The following RBFOX1 variants were observed in gnomAD, a reference collection of about 807,000 sequenced individuals.
The protein encoded by RBFOX1 is RNA binding protein fox-1 homolog 1.
In RBFOX1, 8 loss-of-function variants were observed where a neutral mutation model predicts 57.7. That is an observed-to-expected ratio of 0.14 (90% CI 0.08 to 0.25). The LOEUF is 0.25. Ranked by LOEUF, RBFOX1 falls within the 10% of genes least tolerant of loss-of-function variation. The pLI is 1.00. For missense variants in RBFOX1, 611 were observed against 548.5 expected (o/e 1.11, Z -1.14); for synonymous variants, 326 against 222.4 (o/e 1.47, Z -4.15).
intron 2 of RBFOX1, among the ~76,000 whole-genome samples, chr16:6,540,572 A>G (rs1222868732): frequency 1.5e-5 from 2 of 134,016 alleles, no homozygotes; most frequent in African/African-American, 5.7e-5. Flanking sequence ...AGATTGCACC[A>G]CTGTACTCCA....
Position 7,405,299 on chromosome 16 carries a change from C to G in RBFOX1, c.28-112848C>G, listed in dbSNP as rs12599082. Among the ~76,000 whole-genome samples, 102 of 152,264 alleles carry G rather than the reference C, an allele frequency of 6.7e-4. No individual in the cohort carries two copies. The East Asian group carries it at 0.019, about 28-fold the overall frequency. On this transcript the variant is annotated intron_variant, in intron 4 of 15. Coordinates refer to ENST00000550418, the MANE Select transcript of RBFOX1 (RefSeq NM_018723.4). ...CAGAGGCAGGGCCTCTCCTGGTAGCCCCCCCGCTGCAAACCTTTGCCGCTG... is the reference window on the plus strand; with the variant it reads ...CAGAGGCAGGGCCTCTCCTGGTAGCGCCCCCGCTGCAAACCTTTGCCGCTG...
intron 4 of RBFOX1, among the ~76,000 whole-genome samples, chr16:7,270,553 C>T (rs1435120882): frequency 2.0e-5 from 3 of 152,184 alleles, no homozygotes; most frequent in Non-Finnish European, 4.4e-5. Flanking sequence ...AGTGGTGGCT[C>T]ACTGCTGGCC....
At chr16:6,023,160 C>T (rs1283310268) in intron 1 of RBFOX1, among the ~76,000 whole-genome samples, 1 of 152,082 alleles carries the variant, frequency 6.6e-6, no homozygotes, top group Non-Finnish European at 1.5e-5. Flanking sequence ...CACCCTGAAG[C>T]TACAGAGTTT....
chr16:5,588,803 G>C (rs181839350), intron 2 of RBFOX1, among the ~76,000 whole-genome samples: 1 of 152,206 alleles, frequency 6.6e-6, no homozygotes, highest in African/African-American at 2.4e-5. Flanking sequence ...TGCAACAAAA[G>C]TGATCTGAGT....
intron 4 of RBFOX1, among the ~76,000 whole-genome samples, chr16:7,210,042 C>G (rs2099746899): frequency 6.6e-6 from 1 of 152,174 alleles, no homozygotes; most frequent in Non-Finnish European, 1.5e-5. Flanking sequence ...GATAGCGACG[C>G]TCAGTGCAGA....
chr16:5,859,774 C>T (rs1329710838), intron 3 of RBFOX1, among the ~76,000 whole-genome samples: 7 of 152,202 alleles, frequency 4.6e-5, no homozygotes, highest in Non-Finnish European at 1.0e-4. Context: ...GAGGCTAAGT[C>T]ACTTGTCATC....
chr16:6,902,717 A>C (rs1195630856), intron 3 of RBFOX1, among the ~76,000 whole-genome samples: 1 of 152,174 alleles, frequency 6.6e-6, no homozygotes, highest in South Asian at 2.1e-4. Flanking sequence ...TCAAGACTCC[A>C]TGTAGAGAAC....
intron 3 of RBFOX1, among the ~76,000 whole-genome samples, chr16:6,812,888 C>A (rs1229437009): frequency 6.6e-6 from 1 of 152,284 alleles, no homozygotes; most frequent in East Asian, 1.9e-4. Flanking sequence ...CTTTGTCCAT[C>A]ATGTCAGAGT....
chr16:5,342,401 A>G (rs1257198116), intron 1 of RBFOX1, among the ~76,000 whole-genome samples: 5 of 152,112 alleles, frequency 3.3e-5, no homozygotes, highest in Non-Finnish European at 5.9e-5. Flanking sequence ...CTTGGTGAAT[A>G]ATGCCTCAGT....
At chr16:5,699,014 G>A (rs1271421489) in intron 3 of RBFOX1, among the ~76,000 whole-genome samples, 3 of 128,742 alleles carry the variant, frequency 2.3e-5, no homozygotes, top group Non-Finnish European at 4.7e-5. Flanking sequence ...TTGAGACAGA[G>A]TCTTGCTCTG....
intron 4 of RBFOX1, among the ~76,000 whole-genome samples, chr16:7,099,788 T>C (rs1659499793): frequency 6.6e-6 from 1 of 152,126 alleles, no homozygotes; most frequent in Admixed American, 6.6e-5. Context: ...AAGTGGTTCG[T>C]AGAGTTACCG....
chr16:6,623,966 G>T (rs1157835611), intron 2 of RBFOX1, among the ~76,000 whole-genome samples: 2 of 152,180 alleles, frequency 1.3e-5, no homozygotes, highest in African/African-American at 4.8e-5. Context: ...CCAGTAGTGG[G>T]ATTGCTGGGT....
At chr16:5,470,392 G>T (rs569173892) in intron 2 of RBFOX1, among the ~76,000 whole-genome samples, 2 of 152,176 alleles carry the variant, frequency 1.3e-5, no homozygotes, top group Non-Finnish European at 2.9e-5. Context: ...ACCTCTAAAC[G>T]TTGGGAAGTC....
At chr16:7,333,028 G>A (rs763567861) in intron 4 of RBFOX1, 2 of 1,613,794 alleles carry the variant, frequency 1.2e-6, no homozygotes, top group Admixed American at 3.3e-5. Flanking sequence ...GAGTTCTCCT[G>A]CATCCTTATG....
At chr16:6,803,851 T>TTTTACAATAAAAGGAG (rs1162093174) in intron 3 of RBFOX1, among the ~76,000 whole-genome samples, 40 of 152,234 alleles carry the variant, frequency 2.6e-4, no homozygotes, top group African/African-American at 9.6e-4. Flanking sequence ...AAAGAACTCC[T>TTTTACAATAAAAGGAG]TTTACAATAA....
At chr16:6,416,754 T>C (rs1295275125) in intron 2 of RBFOX1, among the ~76,000 whole-genome samples, 5 of 152,140 alleles carry the variant, frequency 3.3e-5, no homozygotes, top group African/African-American at 4.8e-5. Flanking sequence ...AGCAATACCA[T>C]ACTAATAACA....
chr16:5,402,021 A>G (rs2066730681), intron 1 of RBFOX1, among the ~76,000 whole-genome samples: 1 of 152,150 alleles, frequency 6.6e-6, no homozygotes, highest in South Asian at 2.1e-4. Context: ...TAAATGACCT[A>G]TTTCCAGGGT....
intron 3 of RBFOX1, among the ~76,000 whole-genome samples, chr16:6,743,009 A>G (rs779854086): frequency 6.6e-5 from 10 of 152,188 alleles, no homozygotes; most frequent in Non-Finnish European, 1.2e-4. Flanking sequence ...TTATAGTTGC[A>G]TAAGATGTAA....
chr16:6,780,559 T>A (rs1468784308), intron 3 of RBFOX1, among the ~76,000 whole-genome samples: 2 of 111,880 alleles, frequency 1.8e-5, no homozygotes, highest in African/African-American at 4.6e-5. Context: ...TATATTTACA[T>A]ATTTATATAT....
Sources: gnomAD v4.1 joint callset for allele counts (sites outside exome capture counted in the v4.1 genomes callset) on GRCh38, gnomAD v4.1.1 for gene constraint, MANE v1.5 for transcripts, NCBI Gene and HGNC (gene_info 2026-07-23, HGNC 2026-07-21) for gene names.